CDKL4: variants seen among roughly 807,000 people sequenced by gnomAD.
CDKL4 encodes the protein cyclin-dependent kinase-like 4.
CDKL4 carries 44 observed loss-of-function variants against 42.0 expected under a neutral mutation model. The observed-to-expected ratio is 1.05, with a 90% CI of 0.82 to 1.35. The LOEUF (loss-of-function observed/expected upper bound fraction) is 1.35. Ranked by LOEUF, CDKL4 falls within the 40% of genes most tolerant of loss-of-function variation. The pLI is 0.00. For missense variants in CDKL4, 393 were observed against 369.9 expected (o/e 1.06, Z -0.51); for synonymous variants, 120 against 121.6 (o/e 0.99, Z 0.09).
upstream of CDKL4, among the ~76,000 whole-genome samples, chr2:39,246,423 C>T (rs976611118): frequency 2.0e-5 from 3 of 152,168 alleles, no homozygotes; most frequent in Middle Eastern, 3.2e-3. Context: ...AATCCATCAA[C>T]CCATTTATAT....
At chr2:39,174,299 C>A (rs927077404), downstream of CDKL4, among the ~76,000 whole-genome samples, 1 of 151,168 alleles carries the variant, frequency 6.6e-6, no homozygotes, top group African/African-American at 2.4e-5. Context: ...CAGCTACAGG[C>A]TGAGATGGGT....
At chr2:39,233,992 C>T (rs1679225453) in intron 1 of CDKL4, among the ~76,000 whole-genome samples, 2 of 148,116 alleles carry the variant, frequency 1.4e-5, no homozygotes, top group South Asian at 2.1e-4. Flanking sequence ...CGGCTCACTG[C>T]AACCTCTGCC....
intron 5 of CDKL4, among the ~76,000 whole-genome samples, chr2:39,197,505 T>C (rs141859224): frequency 2.6e-5 from 4 of 152,120 alleles, no homozygotes; most frequent in African/African-American, 4.8e-5. Flanking sequence ...GGGAAATTCA[T>C]TGCAAAAAGA....
intron 8 of CDKL4, among the ~76,000 whole-genome samples, chr2:39,183,708 G>T (rs1675566984): frequency 6.6e-6 from 1 of 152,162 alleles, no homozygotes; most frequent in Non-Finnish European, 1.5e-5. Flanking sequence ...TCTAGGACAG[G>T]ACCTGCTGAG....
intron 3 of CDKL4, among the ~76,000 whole-genome samples, chr2:39,217,956 C>A (rs994467797): frequency 1.3e-5 from 2 of 152,056 alleles, no homozygotes; most frequent in African/African-American, 4.8e-5. Flanking sequence ...TGGTCTTGAA[C>A]TCCTGACCTC....
At chr2:39,181,768 A>G (rs1675451265) in intron 8 of CDKL4, among the ~76,000 whole-genome samples, 1 of 152,162 alleles carries the variant, frequency 6.6e-6, no homozygotes, top group Non-Finnish European at 1.5e-5. Flanking sequence ...ACATTGTCAC[A>G]AGTGAAAGAA....
chr2:39,171,973 T>G (rs1373344825), downstream of CDKL4, among the ~76,000 whole-genome samples: 2 of 152,074 alleles, frequency 1.3e-5, no homozygotes, highest in Non-Finnish European at 2.9e-5. Flanking sequence ...TCAAGTAGGA[T>G]TCTATGAAGA....
In CDKL4 at chr2:39,229,608, T is replaced by G; in HGVS notation, c.-56-20A>C. On this transcript the variant is annotated intron_variant, in intron 1 of 9. Transcript: ENST00000451199. ...CTGCACCTGGAAAATAAGGTAGACT[T>G]GCCTTAATCAAGCTATAAAAGACAA... is the stretch of plus-strand genomic sequence containing the variant. 1 of 1,198,872 alleles carries G rather than the reference T, an allele frequency of 8.3e-7. No individual in the cohort carries two copies. The highest frequency in any genetic ancestry group is 1.2e-6 in the Non-Finnish European group (1 of 852,862). 74.3% of individuals were successfully genotyped at this position (1,198,872 alleles called of 1,614,324 possible). A position where few individuals can be genotyped will look rare whatever the true frequency, so the allele number is the denominator to read the frequency against.
At chr2:39,243,585 G>C (rs1354552421) in intron 1 of CDKL4, among the ~76,000 whole-genome samples, 2 of 152,128 alleles carry the variant, frequency 1.3e-5, no homozygotes, top group African/African-American at 2.4e-5. Flanking sequence ...TCTCTTTCTC[G>C]GCCATAGGTA....
intron 4 of CDKL4, among the ~76,000 whole-genome samples, chr2:39,204,894 T>C (rs984672802): frequency 6.6e-6 from 1 of 152,068 alleles, no homozygotes; most frequent in African/African-American, 2.4e-5. Context: ...GAAGGGATTT[T>C]CAGACTGGGT....
At chr2:39,178,231 C>T (rs1675250471) in intron 9 of CDKL4, among the ~76,000 whole-genome samples, 1 of 152,132 alleles carries the variant, frequency 6.6e-6, no homozygotes, top group Admixed American at 6.6e-5. Flanking sequence ...ATTTTTCTCT[C>T]CCAACAAACT....
intron 1 of CDKL4, among the ~76,000 whole-genome samples, chr2:39,231,407 A>G (rs1252868975): frequency 6.6e-6 from 1 of 152,214 alleles, no homozygotes; most frequent in African/African-American, 2.4e-5. Flanking sequence ...GATTATCTCA[A>G]TGGTGAAAGA....
chr2:39,222,778 T>C (rs1678459477), intron 3 of CDKL4, among the ~76,000 whole-genome samples: 1 of 152,044 alleles, frequency 6.6e-6, no homozygotes, highest in South Asian at 2.1e-4. Flanking sequence ...TTTATAATAG[T>C]TTCAGGGCCT....
intron 4 of CDKL4, among the ~76,000 whole-genome samples, chr2:39,206,876 C>G (rs538204205): frequency 2.6e-5 from 4 of 152,224 alleles, no homozygotes; most frequent in Non-Finnish European, 5.9e-5. Flanking sequence ...ACTGACAATT[C>G]TGAAATGATT....
exon 3 of CDKL4, chr2:39,225,924 C>A: frequency 6.2e-7 from 1 of 1,611,240 alleles, no homozygotes; most frequent in Non-Finnish European, 8.5e-7. Context: ...CTCCTGAACA[C>A]CTCGATGAGG....
chr2:39,201,665 G>C (rs1676859404), intron 5 of CDKL4, among the ~76,000 whole-genome samples: 1 of 152,090 alleles, frequency 6.6e-6, no homozygotes, highest in East Asian at 1.9e-4. Flanking sequence ...AATGGCATTT[G>C]CAGCAACCTG....
In CDKL4 at chr2:39,235,480, T is replaced by TA. The variant is rs1179470989; in HGVS notation, c.-56-5893dup. Among the ~76,000 whole-genome samples the TA allele has an allele frequency of 2.6e-5, 4 of 151,560 alleles. No individual in the cohort carries two copies. The South Asian group carries it at 6.3e-4, about 24-fold the overall frequency. On this transcript the variant is annotated intron_variant, in intron 1 of 9. Transcript: ENST00000451199. ...TAATCAAATGGGCAATAGGTGGGAGTAAAAAATGCCATTAATCTACTTAGG... is the reference window on the plus strand; with the variant it reads ...TAATCAAATGGGCAATAGGTGGGAGTAAAAAAATGCCATTAATCTACTTAGG...
At chr2:39,177,000 C>T (rs1240800753) in intron 9 of CDKL4, among the ~76,000 whole-genome samples, 3 of 152,008 alleles carry the variant, frequency 2.0e-5, no homozygotes, top group South Asian at 2.1e-4. Flanking sequence ...GGACCGGCCT[C>T]GTGTAGGTGC....
At chr2:39,237,028 CA>C (rs1419539697) in intron 1 of CDKL4, among the ~76,000 whole-genome samples, 5 of 152,200 alleles carry the variant, frequency 3.3e-5, no homozygotes, top group African/African-American at 1.2e-4. Flanking sequence ...GAACATGTCT[CA>C]ACTCATTCTA....
Sources: allele counts gnomAD v4.1 joint callset (sites outside exome capture counted in the v4.1 genomes callset), GRCh38; gene constraint gnomAD v4.1.1; transcripts MANE v1.5; gene names NCBI Gene and HGNC (gene_info 2026-07-23, HGNC 2026-07-21).